TBC1D14: variants seen among roughly 807,000 people sequenced by gnomAD.
The protein encoded by TBC1D14 is TBC1 domain family member 14, also known as TBC1 domain family, member 14.
Under a neutral mutation model 79.0 loss-of-function variants are expected in TBC1D14, and 26 were observed. The ratio of observed to expected loss-of-function variants is 0.33; its 90% CI spans 0.24 to 0.46. The LOEUF (loss-of-function observed/expected upper bound fraction) is 0.46. TBC1D14 is among the 20% of genes least tolerant of loss of function. TBC1D14 has a pLI of 1.00. For missense variants in TBC1D14, 769 were observed against 887.6 expected (o/e 0.87, Z 1.70); for synonymous variants, 394 against 349.9 (o/e 1.13, Z -1.40).
At chr4:7,007,698 A>G (rs996209466) in intron 9 of TBC1D14, 8 of 966,624 alleles carry the variant, frequency 8.3e-6, no homozygotes, top group Non-Finnish European at 1.1e-5. Context: ...GTTTCCTGGA[A>G]CCCTGCTTCT....
At chr4:6,924,684 C>G (rs1279873313) in intron 2 of TBC1D14, among the ~76,000 whole-genome samples, 1 of 152,184 alleles carries the variant, frequency 6.6e-6, no homozygotes, top group African/African-American at 2.4e-5. Flanking sequence ...TGCACTCCGT[C>G]CCCATGGGGC....
chr4:6,932,632 A>T (rs1290305548), intron 2 of TBC1D14, among the ~76,000 whole-genome samples: 2 of 152,128 alleles, frequency 1.3e-5, no homozygotes, highest in East Asian at 3.8e-4. Context: ...TGTCTTTTCG[A>T]GATGGGGTCT....
chr4:6,935,995 A>AT (rs1712288496), intron 2 of TBC1D14, among the ~76,000 whole-genome samples: 1 of 152,170 alleles, frequency 6.6e-6, no homozygotes, highest in East Asian at 1.9e-4. Context: ...AATAGACTTT[A>AT]TTTTTTAGAG....
intron 3 of TBC1D14, among the ~76,000 whole-genome samples, chr4:6,978,149 C>T (rs1302062542): frequency 1.4e-5 from 2 of 142,692 alleles, no homozygotes; most frequent in African/African-American, 5.3e-5. Flanking sequence ...GCTAGCCGCC[C>T]CGTCCGGGAG....
At chr4:6,922,982 C>T (rs940215601) in intron 1 of TBC1D14, among the ~76,000 whole-genome samples, 6 of 152,190 alleles carry the variant, frequency 3.9e-5, no homozygotes, top group Non-Finnish European at 8.8e-5. Context: ...GGGTGGATTG[C>T]TTGAGGTCAG....
chr4:7,025,046 C>G lies in TBC1D14; in HGVS notation c.1800C>G (p.Ala600=). 3 of 1,614,238 alleles carry G rather than the reference C, an allele frequency of 1.9e-6. No homozygotes were observed. The highest frequency in any genetic ancestry group is 2.5e-6 in the Non-Finnish European group (3 of 1,180,048). The change falls in exon 13 of 14, where the codon GCC becomes GCG. Residue 600 remains alanine (A), a synonymous_variant. Coordinates refer to ENST00000409757, the MANE Select transcript of TBC1D14 (RefSeq NM_020773.3). Reference sequence around the variant, plus strand: ...GTAAATCTCTGCCCCTCGACCTGGCCTGTCGTATCTGGGACGTGTTCTGTC... The same window carrying G: ...GTAAATCTCTGCCCCTCGACCTGGCGTGTCGTATCTGGGACGTGTTCTGTC... ...LYSKSLPLDL[A]CRIWDVFCRD...
intron 4 of TBC1D14, 138 bp downstream of exon 4, chr4:6,994,440 T>C: frequency 1.4e-6 from 1 of 730,780 alleles, no homozygotes; most frequent in Non-Finnish European, 2.4e-6. Context: ...TTCTCTATAT[T>C]AACATGTGTT....
chr4:6,963,503 C>T (rs528315167), intron 2 of TBC1D14, among the ~76,000 whole-genome samples: 1 of 152,350 alleles, frequency 6.6e-6, no homozygotes, highest in East Asian at 1.9e-4. Context: ...TGCACGTGAC[C>T]TGAGAGTGAT....
At chr4:7,006,339 C>T (rs1577159404) in intron 8 of TBC1D14, among the ~76,000 whole-genome samples, 1 of 152,056 alleles carries the variant, frequency 6.6e-6, no homozygotes, top group African/African-American at 2.4e-5. Context: ...CTTGTCCTTG[C>T]TTTCCACTGA....
intron 2 of TBC1D14, 53 bp from the exon 3 acceptor site, chr4:6,967,251 G>A (rs1388910348): frequency 1.4e-5 from 23 of 1,598,220 alleles, no homozygotes; most frequent in Admixed American, 1.8e-5. Flanking sequence ...TGCTGTTCTG[G>A]TGTTTCTTGA....
At chr4:6,942,583 A>G (rs1713014280) in intron 2 of TBC1D14, among the ~76,000 whole-genome samples, 1 of 152,198 alleles carries the variant, frequency 6.6e-6, no homozygotes, top group South Asian at 2.1e-4. Context: ...GTACATGTTT[A>G]TAGGCGTTTG....
intron 1 of TBC1D14, among the ~76,000 whole-genome samples, chr4:6,915,907 G>T (rs569622166): frequency 9.2e-5 from 14 of 151,896 alleles, no homozygotes; most frequent in African/African-American, 3.1e-4. Flanking sequence ...CTGAGGTCAG[G>T]GGTTCAAAAC....
Position 7,010,796 on chromosome 4 carries a change from T to C in TBC1D14, c.1647+15T>C, listed in dbSNP as rs1720681121. 1 of 1,612,190 alleles carries C rather than the reference T, an allele frequency of 6.2e-7. No individual in the cohort carries two copies. Among genetic ancestry groups the C allele is most frequent in the African/African-American group, 1.3e-5 (1 of 74,800 alleles). ...ACCATGGCCTTGTGAGTATCCTCTG[T>C]GTTCGGGCCCTGGGTACTGTGTCTT... On this transcript the variant is annotated intron_variant, in intron 11 of 13. Coordinates refer to ENST00000409757, the MANE Select transcript of TBC1D14 (RefSeq NM_020773.3).
Position 7,030,517 on chromosome 4 carries a change from G to A in TBC1D14, c.*125G>A. On this transcript the variant is annotated 3_prime_UTR_variant, in exon 14 of 14. Transcript: ENST00000409757. ...CTCTTTAAGTTTGATTCCTAACACTGGAGTTGGCCTTAAACAAAACAAACA... is the reference window on the plus strand; with the variant it reads ...CTCTTTAAGTTTGATTCCTAACACTAGAGTTGGCCTTAAACAAAACAAACA... The A allele has an allele frequency of 1.0e-6, 1 of 953,980 alleles. No individual in the cohort carries two copies. The highest frequency in any genetic ancestry group is 1.6e-6 in the Non-Finnish European group (1 of 623,558). 59.1% of individuals were successfully genotyped at this position (953,980 alleles called of 1,614,324 possible). A position where few individuals can be genotyped will look rare whatever the true frequency, so the allele number is the denominator to read the frequency against.
chr4:6,923,835 C>A lies in TBC1D14; in HGVS notation c.446C>A (p.Thr149Asn). 1 of 1,614,218 alleles carries A rather than the reference C, an allele frequency of 6.2e-7. No individual in the cohort carries two copies. Among genetic ancestry groups the A allele is most frequent in the Non-Finnish European group, 8.5e-7 (1 of 1,180,052 alleles). The stretch of plus-strand genomic sequence containing the variant: ...TATAGCCCGACCTCCAAAGCCCTGA[C>A]CCGCAGCGATGATGTCTCCGTCTGC... Reference protein sequence around the residue: ...KLYSPTSKALTRSDDVSVCSV... With the variant: ...KLYSPTSKALNRSDDVSVCSV... Residue 149 changes from threonine to asparagine, a missense_variant, in exon 2 of 14, where the codon ACC becomes AAC. By Grantham distance (65) the Thr-to-Asn change is moderately conservative (BLOSUM62 0). Transcript: ENST00000409757.
intron 13 of TBC1D14, among the ~76,000 whole-genome samples, chr4:7,025,678 G>A (rs890840574): frequency 6.6e-6 from 1 of 152,270 alleles, no homozygotes; most frequent in African/African-American, 2.4e-5. Context: ...TTTTGTGTGT[G>A]TCCTTGAGAA....
At position 6,975,057 on chromosome 4, in the gene TBC1D14, G is replaced by A. The variant is rs187113058; in HGVS notation, c.843+7633G>A. ...TTCCCAAGCAGCTGGGATTACAGGC[G>A]CCCGTCACCATGCCTGGCTAACTTG... is the stretch of plus-strand genomic sequence containing the variant. On this transcript the variant is annotated intron_variant, in intron 3 of 13. Coordinates refer to ENST00000409757, the MANE Select transcript of TBC1D14 (RefSeq NM_020773.3). 2.1e-3 allele frequency among the ~76,000 whole-genome samples: 312 copies of A among 151,640 alleles called. 3 individuals carry two copies. The highest frequency in any genetic ancestry group is 7.1e-3 in the African/African-American group (293 of 41,336).
chr4:6,932,682 G>C (rs1286922554), intron 2 of TBC1D14, among the ~76,000 whole-genome samples: 1 of 152,168 alleles, frequency 6.6e-6, no homozygotes, highest in Non-Finnish European at 1.5e-5. Flanking sequence ...GCCATTCACA[G>C]GTGCAGCCAT....
At chr4:6,961,261 C>T (rs1054871544) in intron 2 of TBC1D14, among the ~76,000 whole-genome samples, 3 of 152,150 alleles carry the variant, frequency 2.0e-5, no homozygotes, top group Admixed American at 6.5e-5. Flanking sequence ...CGGCCCCCAG[C>T]GTGTTTCCCA....
Sources: gnomAD v4.1 joint callset for allele counts (sites outside exome capture counted in the v4.1 genomes callset) on GRCh38, gnomAD v4.1.1 for gene constraint, MANE v1.5 for transcripts, NCBI Gene and HGNC (gene_info 2026-07-23, HGNC 2026-07-21) for gene names.